The following DAAM1 variants were observed in gnomAD, a reference collection of about 807,000 sequenced individuals.
DAAM1 encodes dishevelled associated activator of morphogenesis 1.
A neutral mutation model predicts 130.0 loss-of-function variants in DAAM1; 52 were observed. That is an observed-to-expected ratio of 0.40 (90% CI 0.32 to 0.50). The LOEUF (loss-of-function observed/expected upper bound fraction) is 0.50. DAAM1 is among the 20% of genes least tolerant of loss of function. The pLI is 0.61. For synonymous variants in DAAM1, 452 were observed against 444.5 expected, an observed-to-expected ratio of 1.02 and a Z score of -0.21; for missense variants, 1,134 against 1,303.8, an observed-to-expected ratio of 0.87 and a Z score of 2.01.
chr14:59,240,611 A>G (rs1881068657), intron 1 of DAAM1, among the ~76,000 whole-genome samples: 2 of 152,178 alleles, frequency 1.3e-5, no homozygotes, highest in South Asian at 4.1e-4. Flanking sequence ...TGCTGGCTTC[A>G]TTTTGGGGTA....
At chr14:59,260,137 A>G (rs1458988370) in intron 1 of DAAM1, among the ~76,000 whole-genome samples, 1 of 152,256 alleles carries the variant, frequency 6.6e-6, no homozygotes, top group Non-Finnish European at 1.5e-5. Flanking sequence ...GAAAACAACT[A>G]GTCCTTTACC....
At chr14:59,248,047 T>G (rs1032726111) in intron 1 of DAAM1, among the ~76,000 whole-genome samples, 1 of 152,228 alleles carries the variant, frequency 6.6e-6, no homozygotes, top group African/African-American at 2.4e-5. Context: ...ATCTGAAGTC[T>G]AAATATTAAC....
intron 12 of DAAM1, 88 bp from the exon 13 acceptor site, chr14:59,330,413 C>T: frequency 1.6e-6 from 2 of 1,235,276 alleles, no homozygotes; most frequent in South Asian, 1.7e-5. Flanking sequence ...ATAATCTCTG[C>T]CATCATCCTC....
chr14:59,329,854 C>A (rs1885352833), intron 12 of DAAM1, among the ~76,000 whole-genome samples: 1 of 152,202 alleles, frequency 6.6e-6, no homozygotes, highest in African/African-American at 2.4e-5. Flanking sequence ...ACCCCACTCC[C>A]CTTAAGATAT....
At chr14:59,296,410 A>G (rs768334741) in intron 3 of DAAM1, among the ~76,000 whole-genome samples, 1 of 152,208 alleles carries the variant, frequency 6.6e-6, no homozygotes, top group South Asian at 2.1e-4. Flanking sequence ...TGTATTGAGT[A>G]TCTTCTCTGG....
intron 5 of DAAM1, among the ~76,000 whole-genome samples, chr14:59,320,959 G>T (rs1396470108): frequency 6.6e-6 from 1 of 152,056 alleles, no homozygotes; most frequent in South Asian, 2.1e-4. Context: ...TCTGCTCCTC[G>T]GAATGTAGCC....
At chr14:59,367,383 G>A in intron 23 of DAAM1, 46 bp from the exon 24 acceptor site, 2 of 1,555,390 alleles carry the variant, frequency 1.3e-6, no homozygotes, top group Non-Finnish European at 1.7e-6. Flanking sequence ...ATTTGATTGT[G>A]GAATTCTCAT....
chr14:59,199,802 G>A (rs1888041102), intron 1 of DAAM1, among the ~76,000 whole-genome samples: 1 of 152,142 alleles, frequency 6.6e-6, no homozygotes, highest in African/African-American at 2.4e-5. Context: ...GCTGTGCACT[G>A]TAGGATGTTT....
At chr14:59,278,576 C>T (rs1594795823) in intron 2 of DAAM1, among the ~76,000 whole-genome samples, 1 of 152,090 alleles carries the variant, frequency 6.6e-6, no homozygotes, top group Non-Finnish European at 1.5e-5. Flanking sequence ...AATAAGAGGA[C>T]ACTACTATAC....
At chr14:59,264,875 T>C (rs1882360128) in intron 2 of DAAM1, 1 of 152,184 alleles carries the variant, frequency 6.6e-6, no homozygotes, top group African/African-American at 2.4e-5. Context: ...CATGTGTCCA[T>C]GTGTTCTCAT....
chr14:59,309,596 A>T (rs1310730412), intron 3 of DAAM1, among the ~76,000 whole-genome samples: 1 of 152,192 alleles, frequency 6.6e-6, no homozygotes, highest in Non-Finnish European at 1.5e-5. Flanking sequence ...CTATTCATTC[A>T]AGTGTTCTCT....
At chr14:59,233,383 T>G (rs770081202) in intron 1 of DAAM1, among the ~76,000 whole-genome samples, 2 of 152,210 alleles carry the variant, frequency 1.3e-5, no homozygotes, top group Non-Finnish European at 2.9e-5. Context: ...ATTTCTCTAA[T>G]GATCAGTGAT....
intron 6 of DAAM1, among the ~76,000 whole-genome samples, chr14:59,323,454 GGTCT>G (rs1484158622): frequency 1.3e-5 from 2 of 152,082 alleles, no homozygotes; most frequent in African/African-American, 4.8e-5. Flanking sequence ...TTGAAAATGT[GGTCT>G]TGCATCCTAT....
intron 1 of DAAM1, among the ~76,000 whole-genome samples, chr14:59,222,118 A>G (rs1052311591): frequency 5.9e-5 from 9 of 152,212 alleles, no homozygotes; most frequent in South Asian, 2.1e-4. Context: ...CCATTGTACA[A>G]TCAAATCAGC....
Position 59,325,942 on chromosome 14 carries a change from C to A in DAAM1, c.1057-18C>A. The A allele has an allele frequency of 6.2e-7, 1 of 1,610,438 alleles. No homozygotes were observed. The highest frequency in any genetic ancestry group is 8.5e-7 in the Non-Finnish European group (1 of 1,176,716). Reference sequence around the variant, plus strand: ...GGAACTTAGATGTTTGATTTGATTTCTTTTTCCTGTGAAATAGGTTCACAT... The same window carrying A: ...GGAACTTAGATGTTTGATTTGATTTATTTTTCCTGTGAAATAGGTTCACAT... On this transcript the variant is annotated intron_variant, in intron 9 of 24. Coordinates refer to ENST00000360909, the MANE Select transcript of DAAM1 (RefSeq NM_001270520.2).
chr14:59,323,273 C>A, intron 6 of DAAM1, 48 bp downstream of exon 6: 1 of 1,497,448 alleles, frequency 6.7e-7, no homozygotes, highest in Admixed American at 2.2e-5. Context: ...TTAAAGTCTG[C>A]TCAAACACGT....
chr14:59,302,012 T>A (rs1037270960), intron 3 of DAAM1, among the ~76,000 whole-genome samples: 2 of 152,152 alleles, frequency 1.3e-5, no homozygotes, highest in African/African-American at 2.4e-5. Context: ...TTAAAGAGAG[T>A]GCCAACATGA....
At chr14:59,351,885 T>C (rs1009051999) in intron 17 of DAAM1, among the ~76,000 whole-genome samples, 5 of 152,158 alleles carry the variant, frequency 3.3e-5, no homozygotes, top group Non-Finnish European at 7.3e-5. Flanking sequence ...CAGTTTTAAA[T>C]ATTTTACTAT....
chr14:59,323,310 GTTAC>G lies in DAAM1; in HGVS notation c.774+88_774+91del, dbSNP rs1885091173. 14 of 1,378,222 alleles carry G rather than the reference GTTAC, an allele frequency of 1.0e-5. No individual in the cohort carries two copies. The East Asian group carries it at 3.5e-4, about 35-fold the overall frequency. The allele number at this position is 1,378,222 out of a possible 1,614,324, so 85.4% of individuals were successfully genotyped here. On this transcript the variant is annotated intron_variant, in intron 6 of 24. Transcript: ENST00000360909. ...CTTTTCCTGTCCCTGAAAGGGGAAT[GTTAC>G]TTGAGATGTCCTCTTGTGGTGATTA...
Sources: gnomAD v4.1 joint callset for allele counts (sites outside exome capture counted in the v4.1 genomes callset) on GRCh38, gnomAD v4.1.1 for gene constraint, MANE v1.5 for transcripts, NCBI Gene and HGNC (gene_info 2026-07-23, HGNC 2026-07-21) for gene names.